The following CDH12 variants were observed in gnomAD, a reference collection of about 807,000 sequenced individuals.
CDH12 encodes cadherin-12.
CDH12 carries 41 observed loss-of-function variants against 74.1 expected under a neutral mutation model. The ratio of observed to expected loss-of-function variants is 0.55; its 90% confidence interval spans 0.43 to 0.72. The LOEUF is 0.72. Among genes scored for constraint, CDH12 ranks in the 30% least tolerant of loss-of-function variants. CDH12 has a pLI of 0.00. For synonymous variants in CDH12, 399 were observed against 355.0 expected (o/e 1.12, Z -1.39); for missense variants, 945 against 977.2 (o/e 0.97, Z 0.44).
intron 3 of CDH12, among the ~76,000 whole-genome samples, chr5:22,238,095 A>AT (rs1369428583): frequency 6.6e-6 from 1 of 152,194 alleles, no homozygotes; most frequent in Non-Finnish European, 1.5e-5. Context: ...CCTGTTCTGA[A>AT]TGCCAACTCC....
chr5:21,782,033 T>C (rs1410834580), intron 11 of CDH12, among the ~76,000 whole-genome samples: 4 of 152,190 alleles, frequency 2.6e-5, no homozygotes, highest in Non-Finnish European at 5.9e-5. Context: ...GGGCTAATAT[T>C]CCATTTCACA....
chr5:22,424,381 C>T (rs776263457), intron 2 of CDH12, among the ~76,000 whole-genome samples: 1 of 152,240 alleles, frequency 6.6e-6, no homozygotes, highest in East Asian at 1.9e-4. Flanking sequence ...TGAAAAACTC[C>T]AGGGTAATAC....
intron 2 of CDH12, among the ~76,000 whole-genome samples, chr5:22,501,139 A>T (rs561016368): frequency 2.6e-5 from 4 of 152,254 alleles, no homozygotes; most frequent in African/African-American, 7.2e-5. Flanking sequence ...TAAGGCATTG[A>T]ATATTTAGAC....
chr5:22,787,667 G>T (rs922676172), intron 1 of CDH12, among the ~76,000 whole-genome samples: 2 of 151,774 alleles, frequency 1.3e-5, no homozygotes, highest in African/African-American at 4.8e-5. Flanking sequence ...CTTTCTAAGG[G>T]CGCCTTTGGC....
intron 9 of CDH12, among the ~76,000 whole-genome samples, chr5:21,807,623 G>A (rs948148853): frequency 6.6e-5 from 10 of 152,088 alleles, no homozygotes; most frequent in African/African-American, 2.4e-4. Context: ...GGCTCCTCAT[G>A]CTTCCAGATA....
intron 3 of CDH12, among the ~76,000 whole-genome samples, chr5:22,290,812 C>A (rs574269610): frequency 6.6e-6 from 1 of 151,994 alleles, no homozygotes; most frequent in African/African-American, 2.4e-5. Flanking sequence ...TATGAAGAAA[C>A]AGAAATTCTT....
At chr5:22,838,151 G>A (rs1454493518) in intron 1 of CDH12, among the ~76,000 whole-genome samples, 4 of 152,282 alleles carry the variant, frequency 2.6e-5, no homozygotes, top group South Asian at 4.1e-4. Flanking sequence ...TAACCCTGAT[G>A]ACGGTCATGC....
At chr5:22,596,303 T>G (rs57908303) in intron 1 of CDH12, among the ~76,000 whole-genome samples, 5 of 127,476 alleles carry the variant, frequency 3.9e-5, no homozygotes, top group Admixed American at 1.0e-4. Context: ...TAGCTGGGTG[T>G]GGTGGCGGAC....
At chr5:22,696,870 A>G (rs1437415609) in intron 1 of CDH12, among the ~76,000 whole-genome samples, 1 of 152,118 alleles carries the variant, frequency 6.6e-6, no homozygotes, top group Admixed American at 6.6e-5. Flanking sequence ...TTCCATTTCT[A>G]TTGAAACAAT....
intron 3 of CDH12, among the ~76,000 whole-genome samples, chr5:22,328,450 A>C (rs1013615262): frequency 6.6e-6 from 1 of 152,228 alleles, no homozygotes; most frequent in Non-Finnish European, 1.5e-5. Context: ...AGAGCCATAC[A>C]TCTAGTTATT....
chr5:22,661,038 C>G (rs528222436), intron 1 of CDH12, among the ~76,000 whole-genome samples: 75 of 152,182 alleles, frequency 4.9e-4, no homozygotes, highest in Non-Finnish European at 7.1e-4. Flanking sequence ...AATTACATCT[C>G]TGTAGATCTT....
At chr5:22,490,693 A>G (rs959300454) in intron 2 of CDH12, among the ~76,000 whole-genome samples, 9 of 152,194 alleles carry the variant, frequency 5.9e-5, no homozygotes, top group African/African-American at 1.9e-4. Context: ...TACTTCTACT[A>G]AATATACACA....
At chr5:22,286,765 C>T (rs976250794) in intron 3 of CDH12, among the ~76,000 whole-genome samples, 19 of 151,482 alleles carry the variant, frequency 1.3e-4, no homozygotes, top group African/African-American at 3.9e-4. Context: ...ACTGATATAG[C>T]CACTTATTTG....
In CDH12 at chr5:22,125,402, T is replaced by C. The variant is rs147233110; in HGVS notation, c.-186-46540A>G. Among the ~76,000 whole-genome samples, 1,180 of 152,292 alleles carry C rather than the reference T, an allele frequency of 7.7e-3. 16 individuals carry two copies. Among genetic ancestry groups the C allele is most frequent in the African/African-American group, 0.027 (1,119 of 41,558 alleles). On this transcript the variant is annotated intron_variant, in intron 4 of 14. Transcript: ENST00000382254. ...TGTGTTAGTTTGCTGAGAATGATGG[T>C]TTCCAGCTTCATTCATGTCCCTGCA...
rs1481496083 is a variant in CDH12, at chr5:21,959,803, G to A, written c.526+15288C>T. Among the ~76,000 whole-genome samples, 29 of 148,834 alleles carry A rather than the reference G, an allele frequency of 1.9e-4. No individual in the cohort carries two copies. The South Asian group carries it at 5.2e-3, about 27-fold the overall frequency. On this transcript the variant is annotated intron_variant, in intron 6 of 14. Transcript: ENST00000382254. ...TAGCTGGGCTTGGTGGTGTGTGCCT[G>A]TAGTCCCAGCTACTCGGGAGGCTGA...
At chr5:22,761,847 C>A (rs1580974459) in intron 1 of CDH12, among the ~76,000 whole-genome samples, 2 of 152,086 alleles carry the variant, frequency 1.3e-5, no homozygotes, top group South Asian at 4.2e-4. Context: ...CGTTAAAATA[C>A]AAACAAAACC....
intron 1 of CDH12, among the ~76,000 whole-genome samples, chr5:22,546,918 A>G (rs10941961): frequency 0.16 from 24,700 of 152,160 alleles, 2,587 homozygotes; most frequent in East Asian, 0.37. Flanking sequence ...AAACAAATAA[A>G]CTAATCTATT....
At chr5:22,712,691 T>C (rs780190393) in intron 1 of CDH12, among the ~76,000 whole-genome samples, 5 of 152,146 alleles carry the variant, frequency 3.3e-5, no homozygotes, top group Non-Finnish European at 7.4e-5. Context: ...AAGTACACAT[T>C]AAAGGCTCTT....
chr5:22,134,256 A>C (rs1746335245), intron 4 of CDH12, among the ~76,000 whole-genome samples: 1 of 152,124 alleles, frequency 6.6e-6, no homozygotes, highest in Non-Finnish European at 1.5e-5. Context: ...TGGAAGAAGG[A>C]CAAGGCTAGA....
Sources: gnomAD v4.1 joint callset for allele counts (sites outside exome capture counted in the v4.1 genomes callset) on GRCh38, gnomAD v4.1.1 for gene constraint, MANE v1.5 for transcripts, NCBI Gene and HGNC (gene_info 2026-07-23, HGNC 2026-07-21) for gene names.